The following CRTC1 variants were observed in gnomAD, a reference collection of about 807,000 sequenced individuals.
The protein encoded by CRTC1 is CREB regulated transcription coactivator 1, also known as CREB-regulated transcription coactivator 1.
In CRTC1, 18 loss-of-function variants were observed where a neutral mutation model predicts 66.1. The observed-to-expected ratio is 0.27, with a 90% CI of 0.19 to 0.40. The LOEUF (loss-of-function observed/expected upper bound fraction) is 0.40, where lower values mean the gene tolerates loss of function less well. Among genes scored for constraint, CRTC1 ranks in the 10% least tolerant of loss-of-function variants. The pLI, the probability that CRTC1 is intolerant of heterozygous loss-of-function variation, is 1.00. For missense variants in CRTC1, 669 were observed against 887.9 expected (o/e 0.75, Z 3.13); for synonymous variants, 416 against 398.8 (o/e 1.04, Z -0.51).
At chr19:18,756,349 A>AC (rs2054487273) in intron 6 of CRTC1, among the ~76,000 whole-genome samples, 1 of 150,550 alleles carries the variant, frequency 6.6e-6, no homozygotes, top group Non-Finnish European at 1.5e-5. Context: ...AAAAAAAAAA[A>AC]AAAAAACTCT....
chr19:18,687,011 CTTT>C (rs35032428), intron 1 of CRTC1, among the ~76,000 whole-genome samples: 1 of 103,424 alleles, frequency 9.7e-6, no homozygotes, highest in African/African-American at 3.8e-5. Flanking sequence ...GACTGAGAAA[CTTT>C]TTTTTTTTTT....
At chr19:18,700,570 C>T (rs1178733094) in intron 1 of CRTC1, among the ~76,000 whole-genome samples, 1 of 151,712 alleles carries the variant, frequency 6.6e-6, no homozygotes, top group Non-Finnish European at 1.5e-5. Context: ...AAATTGAAAA[C>T]AGAAACACCA....
intron 12 of CRTC1, among the ~76,000 whole-genome samples, chr19:18,775,250 G>GC (rs2054960636): frequency 6.6e-6 from 1 of 152,226 alleles, no homozygotes; most frequent in South Asian, 2.1e-4. Flanking sequence ...GTGAGGGGGG[G>GC]CAGGCAGCAA....
chr19:18,711,947 T>C (rs1409689284), intron 1 of CRTC1, among the ~76,000 whole-genome samples: 1 of 152,264 alleles, frequency 6.6e-6, no homozygotes, highest in Non-Finnish European at 1.5e-5. Context: ...ACATAAAAAT[T>C]AGCCTTTATT....
intron 1 of CRTC1, among the ~76,000 whole-genome samples, chr19:18,689,186 A>G (rs2052762268): frequency 2.0e-5 from 3 of 151,730 alleles, no homozygotes; most frequent in Admixed American, 1.3e-4. Flanking sequence ...ACCTCAAGTG[A>G]TTCACCCGCC....
rs1044415754 is a variant in CRTC1, at chr19:18,779,172, G to A, written c.*1790G>A. The A allele has an allele frequency of 5.6e-5, 13 of 232,496 alleles. No individual in the cohort carries two copies. Among genetic ancestry groups the A allele is most frequent in the African/African-American group, 8.8e-5 (4 of 45,430 alleles). 14.4% of individuals were successfully genotyped at this position (232,496 alleles called of 1,614,324 possible). Reference sequence around the variant, plus strand: ...CGGGACAGCGCCTTCTGCTGAGTCCGTTTATTTGTAGTGTCATGGCTGCTG... The same window carrying A: ...CGGGACAGCGCCTTCTGCTGAGTCCATTTATTTGTAGTGTCATGGCTGCTG... On this transcript the variant is annotated 3_prime_UTR_variant, in exon 14 of 14. Coordinates refer to ENST00000321949, the MANE Select transcript of CRTC1 (RefSeq NM_015321.3).
In CRTC1 at chr19:18,741,378, G is replaced by A. The variant is rs148735786; in HGVS notation, c.127-1532G>A. On this transcript the variant is annotated intron_variant, in intron 1 of 13. Coordinates refer to ENST00000321949, the MANE Select transcript of CRTC1 (RefSeq NM_015321.3). This position sits in a 1 kb window ranked among gnomAD's most constrained non-coding sequence, Gnocchi z 4.2. The stretch of plus-strand genomic sequence containing the variant: ...CACGTCGTGTGTCCCTCTCACACCC[G>A]CCTGTAGCACTCACTCTAGGTCGGG... Among the ~76,000 whole-genome samples the A allele has an allele frequency of 2.8e-4, 42 of 152,314 alleles. No individual in the cohort carries two copies. The highest frequency in any genetic ancestry group is 7.2e-4 in the African/African-American group (30 of 41,570).
At chr19:18,719,152 G>A (rs1454276955) in intron 1 of CRTC1, among the ~76,000 whole-genome samples, 1 of 152,200 alleles carries the variant, frequency 6.6e-6, no homozygotes, top group Non-Finnish European at 1.5e-5. Flanking sequence ...GACACCTCCA[G>A]CCTCTGTCCC....
intron 1 of CRTC1, among the ~76,000 whole-genome samples, chr19:18,714,954 C>G (rs758162504): frequency 1.3e-5 from 2 of 152,370 alleles, no homozygotes; most frequent in Non-Finnish European, 2.9e-5. Flanking sequence ...GTTCAGGGAC[C>G]TTTCAAGCAC....
intron 2 of CRTC1, 136 bp from the exon 3 acceptor site, chr19:18,745,687 C>A: frequency 8.8e-7 from 1 of 1,133,836 alleles, no homozygotes; most frequent in Non-Finnish European, 1.3e-6. Context: ...AAGCCCATCC[C>A]AGGCTGTGGA....
chr19:18,764,424 TCCTCCTGCCATCGAGGGG>T (rs2054683717), intron 8 of CRTC1, among the ~76,000 whole-genome samples: 1 of 151,994 alleles, frequency 6.6e-6, no homozygotes, highest in Admixed American at 6.5e-5. Context: ...CTCGCAGGGG[TCCTCCTGCCATCGAGGGG>T]CCTGTTGCCT....
At chr19:18,746,068 G>T in intron 3 of CRTC1, 108 bp downstream of exon 3, 2 of 1,425,604 alleles carry the variant, frequency 1.4e-6, no homozygotes, top group South Asian at 2.8e-5. Context: ...TCCAGCTCTG[G>T]GGACAGAATC....
chr19:18,692,639 G>A (rs1374812229), intron 1 of CRTC1, among the ~76,000 whole-genome samples: 1 of 151,156 alleles, frequency 6.6e-6, no homozygotes, highest in Non-Finnish European at 1.5e-5. Flanking sequence ...GGTGTGCAGC[G>A]ACCAGGTCCA....
chr19:18,715,754 C>T (rs944052166), intron 1 of CRTC1, among the ~76,000 whole-genome samples: 1 of 152,230 alleles, frequency 6.6e-6, no homozygotes, highest in Admixed American at 6.5e-5. Flanking sequence ...TTTGCACGTG[C>T]AGGTGGGCTC....
rs1487158056 is a variant in CRTC1 at position 18,768,510 on chromosome 19, T to C, written c.1037T>C (p.Leu346Pro). 1.2e-6 allele frequency: 2 copies of C among 1,610,034 alleles called. No homozygotes were observed. The highest frequency in any genetic ancestry group is 1.7e-6 in the Non-Finnish European group (2 of 1,179,324). The change falls in exon 10 of 14, where the codon CTG becomes CCG. Residue 346 changes from leucine (L) to proline (P), a missense_variant. This residue lies in a region of CRTC1 where 241 missense variants were observed against 242.2 expected (regional missense o/e 0.99). Transcript: ENST00000321949. The surrounding 1 kb of genome is among the most constrained non-coding windows in gnomAD (Gnocchi z 5.6). ...GCTGTAGCCATGGACGCCCTGTCTCTGGAGCAGCAGCTGCCCTACGCCTTC... is the reference window on the plus strand; with the variant it reads ...GCTGTAGCCATGGACGCCCTGTCTCCGGAGCAGCAGCTGCCCTACGCCTTC... ...TQAVAMDALS[L>P]EQQLPYAFFT...
At chr19:18,686,428 A>G (rs2145445822) in intron 1 of CRTC1, among the ~76,000 whole-genome samples, 1 of 152,292 alleles carries the variant, frequency 6.6e-6, no homozygotes, top group African/African-American at 2.4e-5. Flanking sequence ...TGAGTGGATG[A>G]CCTGAGGTCA....
At chr19:18,766,287 A>AT (rs1020411277) in intron 9 of CRTC1, among the ~76,000 whole-genome samples, 1,778 of 109,492 alleles carry the variant, frequency 0.016, 20 homozygotes, top group Admixed American at 0.052. Context: ...TGCCTGGCTA[A>AT]TTTTTTTTTT....
intron 2 of CRTC1, among the ~76,000 whole-genome samples, chr19:18,743,908 T>C (rs541974095): frequency 6.6e-6 from 1 of 152,250 alleles, no homozygotes; most frequent in East Asian, 1.9e-4. Context: ...CCTTTCCTGT[T>C]TCTCCTGTCC....
At chr19:18,776,619 A>G (rs943384811) in intron 13 of CRTC1, among the ~76,000 whole-genome samples, 11 of 152,206 alleles carry the variant, frequency 7.2e-5, no homozygotes, top group South Asian at 4.1e-4. Flanking sequence ...GACTCAGGAG[A>G]AGAATCAGAA....
Sources: gnomAD v4.1 joint callset for allele counts (sites outside exome capture counted in the v4.1 genomes callset) on GRCh38, gnomAD v4.1.1 for gene constraint, gnomAD v4.1.1 regional missense constraint, Gnocchi (gnomAD v3.1) non-coding constraint, MANE v1.5 for transcripts, NCBI Gene and HGNC (gene_info 2026-07-23, HGNC 2026-07-21) for gene names.